Variants in AP1B1 observed in about 807,000 individuals in gnomAD.
AP1B1 encodes the protein AP-1 complex subunit beta-1.
Under a neutral mutation model 104.3 loss-of-function variants are expected in AP1B1, and 36 were observed. The ratio of observed to expected loss-of-function variants is 0.35; its 90% CI spans 0.26 to 0.46. The LOEUF is 0.46. Ranked by LOEUF, AP1B1 falls within the 20% of genes least tolerant of loss-of-function variation. The probability of loss-of-function intolerance (pLI) is 1.00; values close to 1 mark genes in which losing one functional copy is unlikely to be tolerated. For missense variants in AP1B1, 901 were observed against 1,247.9 expected (o/e 0.72, Z 4.19); for synonymous variants, 504 against 517.5 (o/e 0.97, Z 0.35).
At chr22:29,356,332 G>T in intron 6 of AP1B1, 94 bp downstream of exon 6, 1 of 1,304,812 alleles carries the variant, frequency 7.7e-7, no homozygotes, top group South Asian at 1.5e-5. Flanking sequence ...CACTAGAAAG[G>T]GGCCCACTAA....
chr22:29,360,692 C>G (rs1451202198), intron 3 of AP1B1, among the ~76,000 whole-genome samples: 1 of 152,216 alleles, frequency 6.6e-6, no homozygotes, highest in Non-Finnish European at 1.5e-5. Flanking sequence ...GTCAAATAAC[C>G]TGCCTGGAGG....
At chr22:29,374,850 T>C (rs2062308336) in intron 1 of AP1B1, among the ~76,000 whole-genome samples, 1 of 152,184 alleles carries the variant, frequency 6.6e-6, no homozygotes, top group South Asian at 2.1e-4. Flanking sequence ...TAAATGTCCA[T>C]CCACAGGATT....
At chr22:29,345,829 C>G (rs533550152) in intron 11 of AP1B1, among the ~76,000 whole-genome samples, 1 of 152,096 alleles carries the variant, frequency 6.6e-6, no homozygotes, top group East Asian at 1.9e-4. Context: ...GGATTACAGA[C>G]GCACACCACC....
At chr22:29,343,009 G>A (rs2061737352) in intron 11 of AP1B1, among the ~76,000 whole-genome samples, 2 of 152,100 alleles carry the variant, frequency 1.3e-5, no homozygotes, top group Non-Finnish European at 2.9e-5. Context: ...AGCGCCACCA[G>A]TTGCTGGCTA....
chr22:29,344,943 T>C (rs535693744), intron 11 of AP1B1, among the ~76,000 whole-genome samples: 1 of 152,306 alleles, frequency 6.6e-6, no homozygotes, highest in East Asian at 1.9e-4. Context: ...AGGCCCATAG[T>C]CCTAGCTATT....
In AP1B1 at chr22:29,328,273, C is replaced by G. The variant is rs2061506841; in HGVS notation, c.*548G>C. 6.5e-6 allele frequency: 1 copy of G among 153,276 alleles called. No individual in the cohort carries two copies. The highest frequency in any genetic ancestry group is 2.4e-5 in the African/African-American group (1 of 41,446). 9.5% of individuals were successfully genotyped at this position (153,276 alleles called of 1,614,324 possible). A position where few individuals can be genotyped will look rare whatever the true frequency, so the allele number is the denominator to read the frequency against. ...GCCTGGTGGTTGCAAGTGGGTGGTGCAGGCCCTGGGCTCCTCCCAGCCTAG... is the reference window on the plus strand; with the variant it reads ...GCCTGGTGGTTGCAAGTGGGTGGTGGAGGCCCTGGGCTCCTCCCAGCCTAG... On this transcript the variant is annotated 3_prime_UTR_variant, in exon 23 of 23. Coordinates refer to ENST00000357586, the MANE Select transcript of AP1B1 (RefSeq NM_001127.4). The surrounding 1 kb of genome is among the most constrained non-coding windows in gnomAD (Gnocchi z 4.1).
intron 2 of AP1B1, among the ~76,000 whole-genome samples, chr22:29,363,895 C>CA (rs906557614): frequency 5.8e-4 from 81 of 138,874 alleles, no homozygotes; most frequent in East Asian, 4.1e-3. Context: ...ATCCTGTCTC[C>CA]AAAAAAAAAA....
chr22:29,334,003 C>T (rs1482952045), intron 17 of AP1B1, among the ~76,000 whole-genome samples: 1 of 152,102 alleles, frequency 6.6e-6, no homozygotes, highest in Non-Finnish European at 1.5e-5. Context: ...AGGTGGAGGC[C>T]GCAGTGAGCC....
intron 1 of AP1B1, among the ~76,000 whole-genome samples, chr22:29,377,972 CT>C (rs1321902218): frequency 6.6e-6 from 1 of 152,106 alleles, no homozygotes. Flanking sequence ...CTGCTGCCCC[CT>C]AATAAGGTCA....
At chr22:29,372,301 G>A (rs572937952) in intron 1 of AP1B1, among the ~76,000 whole-genome samples, 3 of 151,954 alleles carry the variant, frequency 2.0e-5, no homozygotes, top group East Asian at 1.9e-4. Context: ...GCGGGTGCCT[G>A]TAGTCCCAGC....
chr22:29,344,442 C>T (rs2061759245), intron 11 of AP1B1, among the ~76,000 whole-genome samples: 1 of 151,956 alleles, frequency 6.6e-6, no homozygotes, highest in South Asian at 2.1e-4. Flanking sequence ...AATGCCATTG[C>T]CCCTGCCATC....
In AP1B1 at chr22:29,349,997, G is replaced by A. The variant is rs374029341; in HGVS notation, c.1271+38C>T. 3.9e-6 allele frequency: 6 copies of A among 1,531,416 alleles called. No individual in the cohort carries two copies. The African/African-American group carries it at 6.8e-5, about 17-fold the overall frequency. 94.9% of individuals were successfully genotyped at this position (1,531,416 alleles called of 1,614,324 possible). On this transcript the variant is annotated intron_variant, in intron 10 of 22. Transcript: ENST00000357586. The stretch of plus-strand genomic sequence containing the variant: ...GCCCCGCCATCCCTGTCCCCAGGCA[G>A]AGCTAGATGCCCTCTCCCTAGGAGG...
At chr22:29,351,623 C>T (rs2061875887) in intron 8 of AP1B1, 82 bp downstream of exon 8, 3 of 1,551,746 alleles carry the variant, frequency 1.9e-6, no homozygotes, top group Non-Finnish European at 2.6e-6. Flanking sequence ...TGAGACTGGT[C>T]ACCTGGGCCA....
chr22:29,382,787 T>C (rs2062458001), intron 1 of AP1B1, among the ~76,000 whole-genome samples: 1 of 151,604 alleles, frequency 6.6e-6, no homozygotes, highest in African/African-American at 2.4e-5. Context: ...GGGAAGTGAA[T>C]GTGGCTGAGT....
At chr22:29,375,855 G>C (rs1245783894) in intron 1 of AP1B1, among the ~76,000 whole-genome samples, 1 of 152,194 alleles carries the variant, frequency 6.6e-6, no homozygotes, top group African/African-American at 2.4e-5. Context: ...AAGGGTGGGA[G>C]GCCTAGAGCC....
At chr22:29,380,595 A>G (rs1454627128) in intron 1 of AP1B1, among the ~76,000 whole-genome samples, 1 of 152,168 alleles carries the variant, frequency 6.6e-6, no homozygotes, top group Non-Finnish European at 1.5e-5. Context: ...GCCTCAGGCT[A>G]AAAACCTGAG....
chr22:29,337,247 AG>A (rs2061651600), intron 16 of AP1B1, among the ~76,000 whole-genome samples: 2 of 152,236 alleles, frequency 1.3e-5, no homozygotes, highest in Non-Finnish European at 2.9e-5. Flanking sequence ...CAAAAGCACT[AG>A]GATTTCTCAA....
chr22:29,344,998 CAT>C (rs2147965939), intron 11 of AP1B1, among the ~76,000 whole-genome samples: 1 of 152,306 alleles, frequency 6.6e-6, no homozygotes, highest in South Asian at 2.1e-4. Context: ...CTGGGCAAAA[CAT>C]AGTGAGATTT....
At chr22:29,335,217 T>C (rs1388631312) in intron 16 of AP1B1, among the ~76,000 whole-genome samples, 2 of 152,170 alleles carry the variant, frequency 1.3e-5, no homozygotes, top group East Asian at 3.9e-4. Flanking sequence ...ATGGAAGACA[T>C]CCACCAGCGG....
Sources: allele counts gnomAD v4.1 joint callset (sites outside exome capture counted in the v4.1 genomes callset), GRCh38; gene constraint gnomAD v4.1.1; non-coding constraint Gnocchi (gnomAD v3.1); transcripts MANE v1.5; gene names NCBI Gene and HGNC (gene_info 2026-07-23, HGNC 2026-07-21).